Variants in FAM153A observed in about 807,000 individuals in gnomAD.
The protein encoded by FAM153A is protein FAM153A.
FAM153A carries 12 observed loss-of-function variants against 48.1 expected under a neutral mutation model. The observed-to-expected ratio is 0.25, with a 90% confidence interval of 0.16 to 0.40. FAM153A has a LOEUF of 0.40. Among genes scored for constraint, FAM153A ranks in the 10% least tolerant of loss-of-function variants. The pLI, the probability that FAM153A is intolerant of heterozygous loss-of-function variation, is 1.00. For synonymous variants in FAM153A, 36 were observed against 118.2 expected, an observed-to-expected ratio of 0.30 and a Z score of 4.51; for missense variants, 111 against 345.8, an observed-to-expected ratio of 0.32 and a Z score of 5.38.
At position 177,734,767 on chromosome 5, in the gene FAM153A, A is replaced by T. The variant is rs1378044930; in HGVS notation, c.735+96T>A. 47 of 1,608,780 alleles carry T rather than the reference A, an allele frequency of 2.9e-5. 1 individual carries two copies. The Admixed American group carries it at 7.9e-4, about 27-fold the overall frequency. On this transcript the variant is annotated intron_variant, in intron 13 of 20. Coordinates refer to ENST00000614127, the Ensembl canonical transcript of FAM153A. ...CCCTCAAGGACACTGTGTAACTAAG[A>T]TATATATCTTCAGATTCTCATATCT...
chr5:177,766,527 A>G lies in FAM153A; in HGVS notation c.-57+13922T>C, dbSNP rs1158734123. ...GTCATGGAAAAAGGAAAAAGTCTAAAAAAAAGTATTATGGAATTAAGCAGA... is the reference window on the plus strand; with the variant it reads ...GTCATGGAAAAAGGAAAAAGTCTAAGAAAAAGTATTATGGAATTAAGCAGA... On this transcript the variant is annotated intron_variant, in intron 1 of 8. Transcript: ENST00000393518. Among the ~76,000 whole-genome samples, 5 of 77,856 alleles carry G rather than the reference A, an allele frequency of 6.4e-5. 1 individual carries two copies. The highest frequency in any genetic ancestry group is 7.6e-5 in the Non-Finnish European group (3 of 39,514). 51.1% of individuals were successfully genotyped at this position (77,856 alleles called of 152,430 possible).
chr5:177,751,608 C>T (rs1464132957), intron 1 of FAM153A, among the ~76,000 whole-genome samples: 2 of 146,216 alleles, frequency 1.4e-5, no homozygotes, highest in African/African-American at 5.2e-5. Context: ...CTTTAGAACT[C>T]GTGAAAAGTT....
downstream of FAM153A, among the ~76,000 whole-genome samples, chr5:177,705,032 G>A (rs998189359): frequency 5.3e-5 from 8 of 150,430 alleles, no homozygotes; most frequent in Non-Finnish European, 8.8e-5. Context: ...GACTGGGTGC[G>A]GTGGCTCACA....
intron 1 of FAM153A, among the ~76,000 whole-genome samples, chr5:177,760,252 T>TTTTC (rs1339870033): frequency 8.3e-6 from 1 of 120,494 alleles, no homozygotes; most frequent in Non-Finnish European, 1.7e-5. Context: ...TTTTTTTTTT[T>TTTTC]TTGAGATGGA....
At chr5:177,781,264 A>ATTTTTTTTTTTTTTTTTTT (rs1303137176), upstream of FAM153A, among the ~76,000 whole-genome samples, 1 of 75,308 alleles carries the variant, frequency 1.3e-5, no homozygotes. Flanking sequence ...ACGCCCGGCT[A>ATTTTTTTTTTTTTTTTTTT]TTTTTTTTTT....
exon 27 of FAM153A, chr5:177,712,609 T>C (rs1561855439): frequency 6.6e-6 from 1 of 151,792 alleles, no homozygotes; most frequent in Non-Finnish European, 1.5e-5. Flanking sequence ...TGGTTACTGA[T>C]TGAGAAATGT....
chr5:177,756,043 A>C (rs1281352521), upstream of FAM153A, among the ~76,000 whole-genome samples: 2,602 of 147,574 alleles, frequency 0.018, no homozygotes, highest in African/African-American at 0.065. Context: ...AGACTGGCAA[A>C]TTGGATAAAG....
At chr5:177,713,431 G>C (rs1434810195) in intron 26 of FAM153A, among the ~76,000 whole-genome samples, 6 of 146,468 alleles carry the variant, frequency 4.1e-5, no homozygotes, top group Non-Finnish European at 7.5e-5. Context: ...TTTTTTTTTT[G>C]TATTTTTAGT....
chr5:177,758,797 C>T (rs1768008439), intron 1 of FAM153A, among the ~76,000 whole-genome samples: 1 of 143,600 alleles, frequency 7.0e-6, no homozygotes, highest in African/African-American at 2.5e-5. Context: ...AACTAGATCC[C>T]TTCCTTACAC....
At chr5:177,781,472 C>T (rs1306360319), upstream of FAM153A, 2 of 107,406 alleles carry the variant, frequency 1.9e-5, no homozygotes, top group Non-Finnish European at 3.9e-5. Flanking sequence ...AGGTGTCATG[C>T]AAAAATGTTA....
At chr5:177,710,312 A>G (rs1758297719), downstream of FAM153A, among the ~76,000 whole-genome samples, 1 of 151,156 alleles carries the variant, frequency 6.6e-6, no homozygotes, top group Admixed American at 6.6e-5. Context: ...GAGTTTCACC[A>G]TGTTGGCCAG....
rs1317810716 is a variant in FAM153A, at chr5:177,766,367, A to G, written c.-57+14082T>C. Among the ~76,000 whole-genome samples, 2 of 80,762 alleles carry G rather than the reference A, an allele frequency of 2.5e-5. 1 individual carries two copies. Among genetic ancestry groups the G allele is most frequent in the Non-Finnish European group, 5.3e-5 (2 of 37,412 alleles). The allele number at this position is 80,762 out of a possible 152,430, so 53.0% of individuals were successfully genotyped here. ...TCCTATGATTCCTTAAAATTCTGTA[A>G]TTCTATGTGCTTTTGATTCTGTCTA... On this transcript the variant is annotated intron_variant, in intron 1 of 8. Coordinates refer to the FAM153A transcript ENST00000393518.
intron 1 of FAM153A, among the ~76,000 whole-genome samples, chr5:177,752,842 T>C (rs865860417): frequency 0.02 from 2,540 of 126,260 alleles, no homozygotes; most frequent in Middle Eastern, 0.06. Context: ...GCAGGAGAAT[T>C]GCTTAAACCT....
At chr5:177,700,686 C>T in the FAM153A span, among the ~76,000 whole-genome samples, 1 of 151,722 alleles carries the variant, frequency 6.6e-6, no homozygotes, top group African/African-American at 2.4e-5. Context: ...CCTGTAATCC[C>T]AGCTACTCAG....
chr5:177,700,529 G>A, the FAM153A span, among the ~76,000 whole-genome samples: 15 of 151,904 alleles, frequency 9.9e-5, no homozygotes, highest in East Asian at 7.7e-4. Context: ...GTGGCTGGGC[G>A]TGGTAGCTCA....
At chr5:177,700,274 G>T in the FAM153A span, among the ~76,000 whole-genome samples, 1 of 151,946 alleles carries the variant, frequency 6.6e-6, no homozygotes, top group South Asian at 2.1e-4. Context: ...TCTCCCTAAA[G>T]TCAAGAACAA....
At chr5:177,695,836 G>GAT in the FAM153A span, among the ~76,000 whole-genome samples, 1 of 148,128 alleles carries the variant, frequency 6.8e-6, no homozygotes, top group Non-Finnish European at 1.5e-5. Context: ...ACTCCTAGAT[G>GAT]GGGAGGCCGG....
At chr5:177,722,126 T>G (rs1761159288), downstream of FAM153A, 2 of 144,016 alleles carry the variant, frequency 1.4e-5, no homozygotes, top group African/African-American at 5.3e-5. Context: ...AGAATTTTTT[T>G]GTTCTTTTTT....
At chr5:177,705,287 GAGTGAGACTCCGTCTCAAAC>G, downstream of FAM153A, among the ~76,000 whole-genome samples, 1 of 151,712 alleles carries the variant, frequency 6.6e-6, no homozygotes, top group South Asian at 2.1e-4. Context: ...CAGAGTGACA[GAGTGAGACTCCGTCTCAAAC>G]AAACAAAAGT....
Sources: gnomAD v4.1 joint callset for allele counts (sites outside exome capture counted in the v4.1 genomes callset) on GRCh38, gnomAD v4.1.1 for gene constraint, MANE v1.5 for transcripts, NCBI Gene and HGNC (gene_info 2026-07-23, HGNC 2026-07-21) for gene names.